The following HHIPL2 variants were observed in gnomAD, a reference collection of about 807,000 sequenced individuals.
HHIPL2 encodes HHIP like 2, also known as HHIP-like protein 2.
HHIPL2 carries 61 observed loss-of-function variants against 61.0 expected under a neutral mutation model. That is an observed-to-expected ratio of 1.00 (90% CI 0.81 to 1.24). The LOEUF (loss-of-function observed/expected upper bound fraction) is 1.24, where lower values mean the gene tolerates loss of function less well. Among genes scored for constraint, HHIPL2 ranks in the 50% most tolerant of loss-of-function variants. The pLI is 0.00. For synonymous variants in HHIPL2, 343 were observed against 357.4 expected, an observed-to-expected ratio of 0.96 and a Z score of 0.45; for missense variants, 885 against 910.2, an observed-to-expected ratio of 0.97 and a Z score of 0.36.
chr1:222,546,047 A>AAAATAAATGAATAAATAAAT (rs1659547694), intron 1 of HHIPL2, among the ~76,000 whole-genome samples: 1 of 141,280 alleles, frequency 7.1e-6, no homozygotes, highest in African/African-American at 2.6e-5. Context: ...TCTGTCTCAA[A>AAAATAAATGAATAAATAAAT]AAATAAATAA....
intron 1 of HHIPL2, among the ~76,000 whole-genome samples, chr1:222,545,431 C>T (rs560400874): frequency 2.4e-4 from 37 of 152,262 alleles, no homozygotes; most frequent in African/African-American, 8.7e-4. Context: ...CTCAGAGATT[C>T]GCAGGCTCCC....
chr1:222,539,898 C>G, intron 4 of HHIPL2, 112 bp downstream of exon 4: 1 of 876,122 alleles, frequency 1.1e-6, no homozygotes, highest in African/African-American at 1.7e-5. Flanking sequence ...AGGACACAAA[C>G]AAGGCGTGAT....
intron 5 of HHIPL2, among the ~76,000 whole-genome samples, chr1:222,536,363 C>A (rs1005602304): frequency 1.3e-5 from 2 of 152,032 alleles, no homozygotes; most frequent in Admixed American, 1.3e-4. Context: ...ATATTATGAA[C>A]AACTGAATGC....
At position 222,542,162 on chromosome 1, in the gene HHIPL2, G is replaced by A. The variant is rs546186214; in HGVS notation, c.975-7C>T. ...TTCAATCTCCAAGATGACCCTGGAA[G>A]AGAAAAAAGAAACCACACGTTAGGA... On this transcript the variant is annotated splice_polypyrimidine_tract_variant and splice_region_variant and intron_variant, in intron 2 of 8. Coordinates refer to ENST00000343410, the MANE Select transcript of HHIPL2 (RefSeq NM_024746.4). 8.7e-5 allele frequency: 140 copies of A among 1,611,354 alleles called. 1 individual carries two copies. Among genetic ancestry groups the A allele is most frequent in the South Asian group, 6.2e-4 (56 of 90,432 alleles).
intron 6 of HHIPL2, among the ~76,000 whole-genome samples, chr1:222,528,409 T>G (rs553385952): frequency 6.6e-6 from 1 of 152,278 alleles, no homozygotes; most frequent in Admixed American, 6.5e-5. Context: ...GAGTTCAAGA[T>G]GAGCCTGGCC....
intron 5 of HHIPL2, 53 bp downstream of exon 5, chr1:222,538,595 C>A (rs1325402592): frequency 4.0e-6 from 6 of 1,513,202 alleles, no homozygotes; most frequent in Non-Finnish European, 5.5e-6. Context: ...AGTTATACCT[C>A]AGTAAAAATA....
chr1:222,526,443 C>T (rs1022430785), intron 7 of HHIPL2, among the ~76,000 whole-genome samples: 2 of 151,348 alleles, frequency 1.3e-5, no homozygotes, highest in African/African-American at 4.9e-5. Flanking sequence ...TGGTGGCTTA[C>T]GCCTGTAATC....
intron 4 of HHIPL2, 77 bp downstream of exon 4, chr1:222,539,933 T>TTCAGG (rs1659392675): frequency 1.6e-6 from 2 of 1,216,560 alleles, no homozygotes; most frequent in Non-Finnish European, 2.4e-6. Flanking sequence ...GGGCAGGACA[T>TTCAGG]TCAGGTTTTA....
chr1:222,538,249 T>TGC (rs1659347660), intron 5 of HHIPL2, among the ~76,000 whole-genome samples: 2 of 142,612 alleles, frequency 1.4e-5, no homozygotes, highest in African/African-American at 2.6e-5. Flanking sequence ...TGTGTGTGTG[T>TGC]ATGTATGTCA....
chr1:222,539,527 T>TAAAAAAAAAAAA (rs10537670), intron 4 of HHIPL2, among the ~76,000 whole-genome samples: 2 of 85,192 alleles, frequency 2.3e-5, no homozygotes, highest in African/African-American at 4.2e-5. Context: ...AGACTCTGTC[T>TAAAAAAAAAAAA]AAAAAAAAAA....
At chr1:222,527,500 C>T (rs1312989914) in intron 6 of HHIPL2, among the ~76,000 whole-genome samples, 1 of 152,110 alleles carries the variant, frequency 6.6e-6, no homozygotes, top group African/African-American at 2.4e-5. Flanking sequence ...GCCTCACTCC[C>T]ATTTTCCTCT....
rs760923924 is a variant in HHIPL2 at position 222,538,731 on chromosome 1, C to T, written c.1494G>A (p.Lys498=). 6.2e-7 allele frequency: 1 copy of T among 1,614,086 alleles called. No homozygotes were observed. Among genetic ancestry groups the T allele is most frequent in the South Asian group, 1.1e-5 (1 of 91,072 alleles). The change falls in exon 5 of 9, where the codon AAG becomes AAA. Residue 498 remains lysine (K), a synonymous_variant. Transcript: ENST00000343410. ...GATAGACATAACCTCCAGTGACTGA[C>T]TTCCCCACTGCATGGCCATAAGCAT... ...PIYAYGHAVG[K]SVTGGYVYRG...
chr1:222,539,499 C>T (rs1659378643), intron 4 of HHIPL2, among the ~76,000 whole-genome samples: 1 of 139,068 alleles, frequency 7.2e-6, no homozygotes, highest in African/African-American at 2.7e-5. Flanking sequence ...CACTGCACTC[C>T]AGCCCAGTGA....
intron 6 of HHIPL2, among the ~76,000 whole-genome samples, chr1:222,530,572 G>A (rs902405486): frequency 2.0e-5 from 3 of 152,086 alleles, no homozygotes; most frequent in Non-Finnish European, 4.4e-5. Context: ...TCTGTTCATC[G>A]GCTAGCTGAG....
At chr1:222,547,622 T>C in intron 1 of HHIPL2, 102 bp downstream of exon 1, 1 of 998,850 alleles carries the variant, frequency 1.0e-6, no homozygotes, top group Non-Finnish European at 1.5e-6. Context: ...ACCCGGCACA[T>C]GAACTTCTAA....
rs751047730 is a variant in HHIPL2 at position 222,540,324 on chromosome 1, T to G, written c.1136A>C (p.Lys379Thr). The G allele has an allele frequency of 6.2e-7, 1 of 1,605,704 alleles. No homozygotes were observed. Among genetic ancestry groups the G allele is most frequent in the East Asian group, 2.2e-5 (1 of 44,736 alleles). ...NAQNKSSLLG[K>T]VLRIDVNRAG... is the part of the protein sequence containing the mutation. ...CCTGTTCACATCGATCCTTAAAACTTTTCCCAGCAGGGAACTTCTGAAAGA... is the reference window on the plus strand; with the variant it reads ...CCTGTTCACATCGATCCTTAAAACTGTTCCCAGCAGGGAACTTCTGAAAGA... The change falls in exon 4 of 9, where the codon AAA (lysine) becomes ACA (threonine). Residue 379 changes from lysine (K) to threonine (T), a missense_variant. Transcript: ENST00000343410.
At position 222,538,876 on chromosome 1, in the gene HHIPL2, G is replaced by A; in HGVS notation, c.1451-102C>T. 2.4e-6 allele frequency: 3 copies of A among 1,228,228 alleles called. No individual in the cohort carries two copies. In the South Asian group the frequency reaches 4.3e-5, roughly 18 times the overall value. The allele number at this position is 1,228,228 out of a possible 1,614,324, so 76.1% of individuals were successfully genotyped here. ...TAATGCAGTTGCCTAATTCAGTAAAGAACACTTTACCTCTTGGTCTTCAGT... is the reference window on the plus strand; with the variant it reads ...TAATGCAGTTGCCTAATTCAGTAAAAAACACTTTACCTCTTGGTCTTCAGT... On this transcript the variant is annotated intron_variant, in intron 4 of 8. Coordinates refer to ENST00000343410, the MANE Select transcript of HHIPL2 (RefSeq NM_024746.4).
chr1:222,535,565 ACG>A (rs1331606672), intron 5 of HHIPL2, among the ~76,000 whole-genome samples: 1 of 152,156 alleles, frequency 6.6e-6, no homozygotes, highest in Non-Finnish European at 1.5e-5. Flanking sequence ...CTCCCTCCAG[ACG>A]CTCTGGAGGA....
chr1:222,528,642 G>A (rs1659120945), intron 6 of HHIPL2, among the ~76,000 whole-genome samples: 5 of 152,006 alleles, frequency 3.3e-5, no homozygotes, highest in African/African-American at 1.2e-4. Flanking sequence ...GATAATCGTA[G>A]TTATTTTTAC....
Sources: allele counts gnomAD v4.1 joint callset (sites outside exome capture counted in the v4.1 genomes callset), GRCh38; gene constraint gnomAD v4.1.1; transcripts MANE v1.5; gene names NCBI Gene and HGNC (gene_info 2026-07-23, HGNC 2026-07-21).